GABRG2: variants seen among roughly 807,000 people sequenced by gnomAD.
GABRG2 encodes gamma-aminobutyric acid receptor subunit gamma-2.
GABRG2 carries 16 observed loss-of-function variants against 56.4 expected under a neutral mutation model. That is an observed-to-expected ratio of 0.28 (90% CI 0.19 to 0.43). The LOEUF is 0.43. Among genes scored for constraint, GABRG2 ranks in the 20% least tolerant of loss-of-function variants. The pLI is 1.00. For missense variants in GABRG2, 327 were observed against 582.7 expected, an observed-to-expected ratio of 0.56 and a Z score of 4.52; for synonymous variants, 208 against 205.5, an observed-to-expected ratio of 1.01 and a Z score of -0.10.
At chr5:162,077,788 G>C (rs1197020658) in intron 1 of GABRG2, among the ~76,000 whole-genome samples, 1 of 152,070 alleles carries the variant, frequency 6.6e-6, no homozygotes, top group Non-Finnish European at 1.5e-5. Context: ...CAGGGTCCTG[G>C]CCATCTTAAG....
intron 6 of GABRG2, among the ~76,000 whole-genome samples, chr5:162,129,572 A>G (rs564952273): frequency 2.6e-5 from 4 of 152,094 alleles, no homozygotes; most frequent in Non-Finnish European, 5.9e-5. Context: ...CATTTATTTA[A>G]TCCATTCAAC....
At chr5:162,139,427 C>A (rs1029497775) in intron 6 of GABRG2, among the ~76,000 whole-genome samples, 3 of 152,208 alleles carry the variant, frequency 2.0e-5, no homozygotes, top group African/African-American at 7.2e-5. Context: ...CACTGTGAAG[C>A]TGCTTTGCTT....
intron 6 of GABRG2, among the ~76,000 whole-genome samples, chr5:162,132,736 T>C (rs573006319): frequency 7.4e-4 from 112 of 152,138 alleles, no homozygotes; most frequent in African/African-American, 2.6e-3. Flanking sequence ...GGCACCTCTC[T>C]TCTGAAGTGC....
chr5:162,119,697 C>T (rs1561650951), intron 6 of GABRG2, among the ~76,000 whole-genome samples: 1 of 152,044 alleles, frequency 6.6e-6, no homozygotes, highest in Non-Finnish European at 1.5e-5. Context: ...TACCTTACAC[C>T]GAAGTCTATG....
chr5:162,141,405 G>T (rs776682373), intron 6 of GABRG2, among the ~76,000 whole-genome samples: 1 of 152,088 alleles, frequency 6.6e-6, no homozygotes, highest in East Asian at 1.9e-4. Context: ...TTATGTGTAC[G>T]ATTTACAAAG....
chr5:162,150,017 T>A (rs970342622), intron 8 of GABRG2: 9 of 173,686 alleles, frequency 5.2e-5, no homozygotes, highest in African/African-American at 2.2e-4. Flanking sequence ...TGACTACATT[T>A]TTGCAAATGA....
chr5:162,149,476 T>A, intron 8 of GABRG2, 163 bp downstream of exon 8: 1 of 738,486 alleles, frequency 1.4e-6, no homozygotes, highest in Non-Finnish European at 2.4e-6. Context: ...CAGTCATTAG[T>A]TACTTGAGAG....
rs1760938669 is a variant in GABRG2 at position 162,095,558 on chromosome 5, A to G, written c.323A>G (p.Asn108Ser). The G allele has an allele frequency of 1.3e-6, 2 of 1,595,950 alleles. No individual in the cohort carries two copies. Among genetic ancestry groups the G allele is most frequent in the Non-Finnish European group, 1.7e-6 (2 of 1,164,422 alleles). ...VNSIGPVNAI[N>S]MEYTIDIFFA... ...AGCATTGGTCCAGTGAACGCTATCA[A>G]TATGGTGAGTTTCCAAATAAAATTC... The change falls in exon 3 of 10, where the codon AAT becomes AGT. Residue 108 changes from asparagine to serine, a missense_variant. Physicochemically the swap from Asn to Ser is conservative, Grantham distance 46. Around this residue, in one of 4 missense-constraint regions of GABRG2, gnomAD observed 104 missense variants for 209.3 expected, o/e 0.50. Coordinates refer to ENST00000639213, the MANE Select transcript of GABRG2 (RefSeq NM_198904.4).
At chr5:162,100,376 A>G (rs1270320858) in intron 4 of GABRG2, 1 of 152,134 alleles carries the variant, frequency 6.6e-6, no homozygotes, top group Non-Finnish European at 1.5e-5. Context: ...TATCTGTACA[A>G]TGTAAGAGAT....
At chr5:162,101,387 T>C in intron 5 of GABRG2, 70 bp downstream of exon 5, 3 of 1,049,950 alleles carry the variant, frequency 2.9e-6, no homozygotes, top group South Asian at 2.5e-5. Flanking sequence ...TGTTAATTAA[T>C]TGAAAGAAGC....
chr5:162,137,706 T>C (rs1011767610), intron 6 of GABRG2, among the ~76,000 whole-genome samples: 1 of 152,148 alleles, frequency 6.6e-6, no homozygotes, highest in Non-Finnish European at 1.5e-5. Context: ...CTCTTTCTTT[T>C]TCTTTTCTTT....
intron 1 of GABRG2, among the ~76,000 whole-genome samples, chr5:162,074,707 A>G (rs1758950276): frequency 6.6e-6 from 1 of 152,022 alleles, no homozygotes; most frequent in Non-Finnish European, 1.5e-5. Context: ...GAGGAAAGCA[A>G]CTCTAAACAT....
intron 1 of GABRG2, among the ~76,000 whole-genome samples, chr5:162,082,397 A>T (rs1428775454): frequency 6.6e-6 from 1 of 151,756 alleles, no homozygotes; most frequent in Non-Finnish European, 1.5e-5. Context: ...TAAATCTGTA[A>T]ATTACACAAA....
chr5:162,130,071 G>T (rs568360420), intron 6 of GABRG2, among the ~76,000 whole-genome samples: 1 of 151,698 alleles, frequency 6.6e-6, no homozygotes, highest in Non-Finnish European at 1.5e-5. Flanking sequence ...GAGCTTTTTC[G>T]AACCAACTCT....
At chr5:162,072,595 T>G (rs1453730825) in intron 1 of GABRG2, among the ~76,000 whole-genome samples, 1 of 152,034 alleles carries the variant, frequency 6.6e-6, no homozygotes, top group Non-Finnish European at 1.5e-5. Context: ...GACACCTATG[T>G]GACCTCTTCA....
intron 1 of GABRG2, among the ~76,000 whole-genome samples, chr5:162,078,389 ATATATATATTTTT>A (rs1384424473): frequency 1.6e-4 from 5 of 31,144 alleles, no homozygotes; most frequent in African/African-American, 5.5e-4. Flanking sequence ...ATATATATAT[ATATATATATTTTT>A]TTTTTTTTTT....
intron 1 of GABRG2, among the ~76,000 whole-genome samples, chr5:162,078,180 A>G (rs1295493176): frequency 6.6e-6 from 1 of 151,750 alleles, no homozygotes; most frequent in African/African-American, 2.4e-5. Flanking sequence ...TCACAGTTCT[A>G]GAGGCTGGAA....
rs182625124 is a variant in GABRG2, at chr5:162,070,012, T to G, written c.107+1906T>G. Among the ~76,000 whole-genome samples the G allele has an allele frequency of 8.5e-5, 13 of 152,282 alleles. No individual in the cohort carries two copies. In the East Asian group the frequency reaches 2.1e-3, roughly 25 times the overall value. ...CTTAATAGATAAAATATTATGTATT[T>G]TCTCTCCAGTAACCCTATTTTAACC... On this transcript the variant is annotated intron_variant, in intron 1 of 9. Transcript: ENST00000639213.
chr5:162,078,742 T>G (rs1306425228), intron 1 of GABRG2, among the ~76,000 whole-genome samples: 4 of 151,834 alleles, frequency 2.6e-5, no homozygotes, highest in Non-Finnish European at 4.4e-5. Flanking sequence ...TCATCTTCAA[T>G]ACAGAATTTT....
Sources: gnomAD v4.1 joint callset for allele counts (sites outside exome capture counted in the v4.1 genomes callset) on GRCh38, gnomAD v4.1.1 for gene constraint, gnomAD v4.1.1 regional missense constraint, MANE v1.5 for transcripts, NCBI Gene and HGNC (gene_info 2026-07-23, HGNC 2026-07-21) for gene names.